The following MSR1 variants were observed in gnomAD, a reference collection of about 807,000 sequenced individuals.
MSR1 encodes macrophage scavenger receptor 1, also known as macrophage scavenger receptor types I and II.
A neutral mutation model predicts 47.2 loss-of-function variants in MSR1; 53 were observed. The ratio of observed to expected loss-of-function variants is 1.12; its 90% confidence interval spans 0.90 to 1.41. The LOEUF is 1.41. MSR1 is among the 40% of genes most tolerant of loss of function. MSR1 has a pLI of 0.00. For synonymous variants in MSR1, 239 were observed against 185.6 expected (o/e 1.29, Z -2.34); for missense variants, 786 against 546.9 (o/e 1.44, Z -4.36).
intron 1 of MSR1, among the ~76,000 whole-genome samples, chr8:16,191,619 G>A (rs1043812325): frequency 1.3e-5 from 2 of 151,988 alleles, no homozygotes; most frequent in African/African-American, 4.8e-5. Context: ...GAACTGAAAT[G>A]TGTAAGTAAC....
At chr8:16,121,520 A>G (rs549436236) in intron 8 of MSR1, among the ~76,000 whole-genome samples, 6 of 152,158 alleles carry the variant, frequency 3.9e-5, no homozygotes, top group African/African-American at 1.4e-4. Context: ...CACTTGGCGT[A>G]TGAAAAATCT....
At chr8:16,128,047 A>G (rs913808352) in intron 8 of MSR1, among the ~76,000 whole-genome samples, 2 of 152,182 alleles carry the variant, frequency 1.3e-5, no homozygotes, top group Non-Finnish European at 2.9e-5. Flanking sequence ...GCAGTAAACA[A>G]AAGTGAAATT....
chr8:16,191,925 C>T (rs368322207), intron 1 of MSR1, among the ~76,000 whole-genome samples: 1 of 152,040 alleles, frequency 6.6e-6, no homozygotes, highest in South Asian at 2.1e-4. Context: ...TTGGCCTCGC[C>T]TATATTTTCA....
intron 8 of MSR1, among the ~76,000 whole-genome samples, chr8:16,122,840 A>C (rs1227627990): frequency 7.8e-6 from 1 of 128,022 alleles, no homozygotes; most frequent in Non-Finnish European, 1.6e-5. Context: ...CTCTATTCAA[A>C]TTCTTTTTTT....
chr8:16,116,875 G>C (rs965795484), intron 9 of MSR1, among the ~76,000 whole-genome samples: 4 of 151,978 alleles, frequency 2.6e-5, no homozygotes, highest in African/African-American at 9.7e-5. Context: ...AATAAAGCTA[G>C]AGATGACGTC....
At chr8:16,168,376 T>C (rs117857191) in intron 4 of MSR1, 82 bp downstream of exon 4, 205 of 1,461,944 alleles carry the variant, frequency 1.4e-4, no homozygotes, top group Non-Finnish European at 1.8e-4. Flanking sequence ...TTTGCAACTT[T>C]TGCTTTCCTG....
At chr8:16,116,699 T>C (rs2117054163) in intron 9 of MSR1, among the ~76,000 whole-genome samples, 1 of 152,094 alleles carries the variant, frequency 6.6e-6, no homozygotes, top group African/African-American at 2.4e-5. Flanking sequence ...TAAGCAGGAA[T>C]GAATAAAAGT....
chr8:16,156,590 A>C (rs540220375), intron 5 of MSR1, among the ~76,000 whole-genome samples: 2 of 151,976 alleles, frequency 1.3e-5, no homozygotes, highest in South Asian at 4.2e-4. Context: ...TTATAAAAGC[A>C]ACTCTACTTA....
chr8:16,185,136 G>A (rs955015612), intron 1 of MSR1, among the ~76,000 whole-genome samples: 14 of 119,796 alleles, frequency 1.2e-4, no homozygotes, highest in South Asian at 9.7e-4. Flanking sequence ...TGCACGAAAT[G>A]TTGGTATGTA....
intron 4 of MSR1, among the ~76,000 whole-genome samples, chr8:16,165,950 A>G (rs1337494873): frequency 1.3e-5 from 2 of 152,124 alleles, no homozygotes; most frequent in African/African-American, 2.4e-5. Context: ...ATTACAATAA[A>G]GGTGAAATAG....
At position 16,154,540 on chromosome 8, in the gene MSR1, G is replaced by T. The variant is rs34382093; in HGVS notation, c.898+524C>A. On this transcript the variant is annotated intron_variant, in intron 6 of 9. Coordinates refer to ENST00000262101, the MANE Select transcript of MSR1 (RefSeq NM_138715.3). The stretch of plus-strand genomic sequence containing the variant: ...ATATTTTAGCCAATATTTACATTCA[G>T]ATTTCATTAGTTTAAACAGATATAT... Among the ~76,000 whole-genome samples the T allele has an allele frequency of 1.8e-3, 270 of 151,974 alleles. 1 individual carries two copies. Among genetic ancestry groups the T allele is most frequent in the Middle Eastern group, 0.01 (3 of 292 alleles).
chr8:16,141,177 A>G (rs556150482), intron 8 of MSR1: 5 of 953,450 alleles, frequency 5.2e-6, no homozygotes, highest in Admixed American at 4.6e-5. Flanking sequence ...AGATGTGGGG[A>G]ATCAGGCACT....
At chr8:16,139,106 T>C (rs909933276) in intron 8 of MSR1, among the ~76,000 whole-genome samples, 2 of 152,212 alleles carry the variant, frequency 1.3e-5, no homozygotes, top group African/African-American at 4.8e-5. Flanking sequence ...GACAAACTCA[T>C]TGATTTGCAA....
chr8:16,111,692 T>G (rs1315987873), intron 9 of MSR1, among the ~76,000 whole-genome samples: 2 of 123,212 alleles, frequency 1.6e-5, no homozygotes, highest in Non-Finnish European at 1.7e-5. Context: ...ATAATGAAAA[T>G]TTAAGTCCAG....
chr8:16,124,678 T>C (rs1035488377), intron 8 of MSR1, among the ~76,000 whole-genome samples: 1 of 152,172 alleles, frequency 6.6e-6, no homozygotes, highest in South Asian at 2.1e-4. Flanking sequence ...AATAGCACTA[T>C]TACAGATGCT....
chr8:16,123,055 C>T (rs975489518), intron 8 of MSR1, among the ~76,000 whole-genome samples: 1 of 151,856 alleles, frequency 6.6e-6, no homozygotes, highest in African/African-American at 2.4e-5. Flanking sequence ...CCGTGTTAGC[C>T]AGGATGGTCT....
rs55913131 is a variant in MSR1, at chr8:16,150,140, G to GTATATATATA, written c.979+81_979+90dup. The GTATATATATA allele has an allele frequency of 2.3e-3, 415 of 178,274 alleles. 6 individuals carry two copies. Among genetic ancestry groups the GTATATATATA allele is most frequent in the African/African-American group, 0.011 (360 of 32,372 alleles). 11.0% of individuals were successfully genotyped at this position (178,274 alleles called of 1,614,324 possible). A position where few individuals can be genotyped will look rare whatever the true frequency, so the allele number is the denominator to read the frequency against. ...TATGTGTGTGTGTATGTGTGTGTGT[G>GTATATATATA]TATATATATATATATATATATATAT... On this transcript the variant is annotated intron_variant, in intron 7 of 9. Coordinates refer to ENST00000262101, the MANE Select transcript of MSR1 (RefSeq NM_138715.3).
At chr8:16,190,706 T>C (rs1182760687) in intron 1 of MSR1, among the ~76,000 whole-genome samples, 1 of 148,746 alleles carries the variant, frequency 6.7e-6, no homozygotes, top group African/African-American at 2.6e-5. Flanking sequence ...TTTTATCATA[T>C]TCTTTCTTTT....
In MSR1 at chr8:16,155,132, G is replaced by T. The variant is rs746464652; in HGVS notation, c.830C>A (p.Pro277His). The change falls in exon 6 of 10, where the codon CCC (proline) becomes CAC (histidine). Residue 277 changes from proline (P) to histidine (H), a missense_variant. Transcript: ENST00000262101. ...ACCTCGATCTCCTTTTTCACCCGGGGGTCCAGGAGGACCTTTAAAAAAATT... is the reference window on the plus strand; with the variant it reads ...ACCTCGATCTCCTTTTTCACCCGGGTGTCCAGGAGGACCTTTAAAAAAATT... ...NITLIQGPPG[P>H]PGEKGDRGPT... 4 of 1,611,470 alleles carry T rather than the reference G, an allele frequency of 2.5e-6. No homozygotes were observed. The South Asian group carries it at 3.3e-5, about 13-fold the overall frequency.
Sources: gnomAD v4.1 joint callset for allele counts (sites outside exome capture counted in the v4.1 genomes callset) on GRCh38, gnomAD v4.1.1 for gene constraint, MANE v1.5 for transcripts, NCBI Gene and HGNC (gene_info 2026-07-23, HGNC 2026-07-21) for gene names.